Variants in MOB3B observed in about 807,000 individuals in gnomAD.
MOB3B encodes the protein MOB kinase activator-like 2B.
Under a neutral mutation model 18.7 loss-of-function variants are expected in MOB3B, and 7 were observed. The ratio of observed to expected loss-of-function variants is 0.37; its 90% CI spans 0.21 to 0.70. The LOEUF (loss-of-function observed/expected upper bound fraction) is 0.70. MOB3B is among the 30% of genes least tolerant of loss of function. The pLI, the probability that MOB3B is intolerant of heterozygous loss-of-function variation, is 0.52. For synonymous variants in MOB3B, 111 were observed against 99.9 expected, an observed-to-expected ratio of 1.11 and a Z score of -0.66; for missense variants, 253 against 281.3, an observed-to-expected ratio of 0.90 and a Z score of 0.72.
chr9:27,373,102 C>T (rs1018776603), intron 2 of MOB3B, among the ~76,000 whole-genome samples: 6 of 152,208 alleles, frequency 3.9e-5, no homozygotes, highest in Admixed American at 1.3e-4. Context: ...TTTTGATTTA[C>T]GCACTAACAT....
At chr9:27,346,463 A>T (rs537186796) in intron 3 of MOB3B, among the ~76,000 whole-genome samples, 1 of 152,356 alleles carries the variant, frequency 6.6e-6, no homozygotes, top group South Asian at 2.1e-4. Context: ...GAAGATAAAC[A>T]GTATTTATCT....
chr9:27,424,449 T>G (rs1429005996), intron 2 of MOB3B, among the ~76,000 whole-genome samples: 1 of 152,146 alleles, frequency 6.6e-6, no homozygotes, highest in Non-Finnish European at 1.5e-5. Context: ...TTCAGAGCAA[T>G]TGCTTTTTGC....
chr9:27,508,594 G>A (rs1326029960), intron 1 of MOB3B, among the ~76,000 whole-genome samples: 1 of 152,080 alleles, frequency 6.6e-6, no homozygotes, highest in Non-Finnish European at 1.5e-5. Context: ...AAAATAAATT[G>A]AAGTATATTA....
chr9:27,423,998 A>G (rs1301877450), intron 2 of MOB3B, among the ~76,000 whole-genome samples: 1 of 152,244 alleles, frequency 6.6e-6, no homozygotes, highest in East Asian at 1.9e-4. Context: ...TAAGTGGTGG[A>G]ATTAGGACAT....
At chr9:27,382,487 C>T (rs75594947) in intron 2 of MOB3B, among the ~76,000 whole-genome samples, 6,511 of 152,140 alleles carry the variant, frequency 0.043, 216 homozygotes, top group East Asian at 0.14. Flanking sequence ...CCTTCTCCAA[C>T]CCCCTTCACC....
chr9:27,524,852 C>T lies in MOB3B; in HGVS notation c.-199+4703G>A, dbSNP rs1031370069. 2.5e-6 allele frequency: 4 copies of T among 1,613,920 alleles called. No individual in the cohort carries two copies. The African/African-American group carries it at 5.3e-5, about 22-fold the overall frequency. ...GATATTTCCACAGGATAGACAATTTCCTGAAAGAAAAGAAATACAGTGACT... is the reference window on the plus strand; with the variant it reads ...GATATTTCCACAGGATAGACAATTTTCTGAAAGAAAAGAAATACAGTGACT... On this transcript the variant is annotated intron_variant, in intron 1 of 3. Transcript: ENST00000262244.
chr9:27,507,319 C>T (rs1300003123), intron 1 of MOB3B, among the ~76,000 whole-genome samples: 2 of 152,140 alleles, frequency 1.3e-5, no homozygotes, highest in Non-Finnish European at 2.9e-5. Flanking sequence ...TGGGATCCTC[C>T]GTGTATCTCA....
At chr9:27,432,092 C>T (rs1343421539) in intron 2 of MOB3B, among the ~76,000 whole-genome samples, 1 of 152,154 alleles carries the variant, frequency 6.6e-6, no homozygotes, top group Non-Finnish European at 1.5e-5. Context: ...CAGAAACTTG[C>T]ACTGCTAAAT....
intron 2 of MOB3B, among the ~76,000 whole-genome samples, chr9:27,437,092 G>T (rs1047600122): frequency 3.3e-5 from 5 of 152,160 alleles, no homozygotes; most frequent in Admixed American, 6.5e-5. Context: ...TCCTGAAAGA[G>T]GAGATGGCAA....
intron 2 of MOB3B, among the ~76,000 whole-genome samples, chr9:27,430,396 A>C (rs759536298): frequency 2.6e-5 from 4 of 152,128 alleles, no homozygotes; most frequent in South Asian, 2.1e-4. Context: ...TGTGCTCCTC[A>C]AAGCTTTAGG....
At chr9:27,463,993 G>A (rs1043005328) in intron 1 of MOB3B, among the ~76,000 whole-genome samples, 2 of 152,148 alleles carry the variant, frequency 1.3e-5, no homozygotes, top group South Asian at 2.1e-4. Flanking sequence ...TAAGGATAAC[G>A]GTTAATGGTG....
chr9:27,353,931 T>G (rs1821146663), intron 3 of MOB3B, among the ~76,000 whole-genome samples: 1 of 152,246 alleles, frequency 6.6e-6, no homozygotes, highest in East Asian at 1.9e-4. Context: ...TCAGCATCAT[T>G]TGGGCTGTTT....
chr9:27,497,080 C>T (rs1038409205), intron 1 of MOB3B, among the ~76,000 whole-genome samples: 1 of 152,152 alleles, frequency 6.6e-6, no homozygotes, highest in Non-Finnish European at 1.5e-5. Context: ...AATATCTAGA[C>T]AAAAGCAGTC....
At chr9:27,487,855 C>T (rs1200658140) in intron 1 of MOB3B, among the ~76,000 whole-genome samples, 1 of 152,208 alleles carries the variant, frequency 6.6e-6, no homozygotes, top group Non-Finnish European at 1.5e-5. Flanking sequence ...CTTCTGCCTT[C>T]TCTTAACTTG....
intron 3 of MOB3B, among the ~76,000 whole-genome samples, chr9:27,355,904 G>A (rs1563848622): frequency 1.3e-5 from 2 of 152,150 alleles, no homozygotes; most frequent in Admixed American, 6.5e-5. Context: ...ATAAAAATGT[G>A]TTGACTTGAC....
intron 2 of MOB3B, among the ~76,000 whole-genome samples, chr9:27,441,149 C>T (rs1311157811): frequency 3.3e-5 from 5 of 152,194 alleles, no homozygotes; most frequent in Non-Finnish European, 5.9e-5. Flanking sequence ...TTCATGACTT[C>T]CACCAACAAA....
At chr9:27,395,728 C>A (rs1206334361) in intron 2 of MOB3B, among the ~76,000 whole-genome samples, 1 of 152,168 alleles carries the variant, frequency 6.6e-6, no homozygotes, top group Non-Finnish European at 1.5e-5. Context: ...AGAAAGGCAA[C>A]ACAGAACGGT....
At chr9:27,470,398 A>T in intron 1 of MOB3B, among the ~76,000 whole-genome samples, 1 of 151,902 alleles carries the variant, frequency 6.6e-6, no homozygotes, top group East Asian at 1.9e-4. Flanking sequence ...CAATCGGACA[A>T]CTCCCCAGAC....
Position 27,369,680 on chromosome 9 carries a change from C to T in MOB3B, c.419-10444G>A, listed in dbSNP as rs150096729. Among the ~76,000 whole-genome samples the T allele has an allele frequency of 2.0e-3, 300 of 152,350 alleles. 2 individuals are homozygous for T. Among genetic ancestry groups the T allele is most frequent in the African/African-American group, 6.9e-3 (289 of 41,584 alleles). ...TTCTCCCAACTTGCATGTAATACTC[C>T]AGCCATCTGAAGCTACGATCCTCTT... On this transcript the variant is annotated intron_variant, in intron 2 of 3. Transcript: ENST00000262244.
Sources: allele counts gnomAD v4.1 joint callset (sites outside exome capture counted in the v4.1 genomes callset), GRCh38; gene constraint gnomAD v4.1.1; transcripts MANE v1.5; gene names NCBI Gene and HGNC (gene_info 2026-07-23, HGNC 2026-07-21).